Variants in PLD2 observed in about 807,000 individuals in gnomAD.
PLD2 encodes the protein phospholipase D2, also known as choline phosphatase 2.
A neutral mutation model predicts 119.8 loss-of-function variants in PLD2; 101 were observed. The observed-to-expected ratio is 0.84, with a 90% confidence interval of 0.72 to 0.99. The LOEUF (loss-of-function observed/expected upper bound fraction) is 0.99. PLD2 is among the 50% of genes least tolerant of loss of function. The pLI is 0.00. For missense variants in PLD2, 1,164 were observed against 1,226.8 expected (o/e 0.95, Z 0.76); for synonymous variants, 494 against 482.8 (o/e 1.02, Z -0.30).
At position 4,819,725 on chromosome 17, in the gene PLD2, C is replaced by T. The variant is rs570730184; in HGVS notation, c.2462+143C>T. ...GATTCTCAATAGGCAAGGCTGGGCG[C>T]GGCAGCTCACGCCTCTAATCCCAGC... is the stretch of plus-strand genomic sequence containing the variant. On this transcript the variant is annotated intron_variant, in intron 23 of 24. Transcript: ENST00000263088. The surrounding 1 kb of genome is among the most constrained non-coding windows in gnomAD (Gnocchi z 4.2). 3.4e-4 allele frequency: 280 copies of T among 813,018 alleles called. No homozygotes were observed. The highest frequency in any genetic ancestry group is 4.3e-4 in the Non-Finnish European group (228 of 535,534). The allele number at this position is 813,018 out of a possible 1,614,324, so 50.4% of individuals were successfully genotyped here.
chr17:4,816,543 G>A (rs1200763696), intron 14 of PLD2, 77 bp from the exon 15 acceptor site: 4 of 1,434,320 alleles, frequency 2.8e-6, no homozygotes, highest in Non-Finnish European at 3.9e-6. Flanking sequence ...CTCTTTCAGT[G>A]CTCCTCTCTT....
rs1907848488 is a variant in PLD2 at position 4,823,145 on chromosome 17, TGCCAGGGTGA to T, written c.*284_*293del. ...TGCTGCAAAGGAGAAGCACAGCTCC[TGCCAGGGTGA>T]GCAGGGTCAAGCCTCTTATTCCAGG... is the stretch of plus-strand genomic sequence containing the variant. On this transcript the variant is annotated 3_prime_UTR_variant, in exon 25 of 25. Coordinates refer to ENST00000263088, the MANE Select transcript of PLD2 (RefSeq NM_002663.5). The T allele has an allele frequency of 2.7e-6, 1 of 365,886 alleles. No individual in the cohort carries two copies. The highest frequency in any genetic ancestry group is 4.3e-5 in the Admixed American group (1 of 23,506). 22.7% of individuals were successfully genotyped at this position (365,886 alleles called of 1,614,324 possible). A position where few individuals can be genotyped will look rare whatever the true frequency, so the allele number is the denominator to read the frequency against.
At chr17:4,814,536 G>A in intron 11 of PLD2, 35 bp downstream of exon 11, 2 of 1,612,812 alleles carry the variant, frequency 1.2e-6, no homozygotes, top group Non-Finnish European at 1.7e-6. Flanking sequence ...CATGGGGCAG[G>A]ATAGAGCCTG....
At position 4,816,721 on chromosome 17, in the gene PLD2, G is replaced by T. The variant is rs1907010768; in HGVS notation, c.1557G>T (p.Trp519Cys). The stretch of plus-strand genomic sequence containing the variant: ...ACAGCAATCTTATCACCAAGGACTG[G>T]GTGCAGCTGGACCGGCCTTTCGAAG... ...KDYSNLITKD[W>C]VQLDRPFEDF... Residue 519 changes from tryptophan to cysteine, a missense_variant, in exon 15 of 25, where the codon TGG becomes TGT. Coordinates refer to ENST00000263088, the MANE Select transcript of PLD2 (RefSeq NM_002663.5). The T allele has an allele frequency of 6.2e-7, 1 of 1,614,154 alleles. No homozygotes were observed. Among genetic ancestry groups the T allele is most frequent in the Non-Finnish European group, 8.5e-7 (1 of 1,180,038 alleles).
At chr17:4,812,704 A>G (rs1431075057) in intron 10 of PLD2, among the ~76,000 whole-genome samples, 9 of 152,210 alleles carry the variant, frequency 5.9e-5, no homozygotes, top group Admixed American at 3.9e-4. Flanking sequence ...ACGAGGGAAC[A>G]TTCCAGGACG....
rs145534325 is a variant in PLD2 at position 4,818,566 on chromosome 17, C to T, written c.2082C>T (p.Gly694=). 1.0e-4 allele frequency: 164 copies of T among 1,613,786 alleles called. No homozygotes were observed. Among genetic ancestry groups the T allele is most frequent in the Middle Eastern group, 1.6e-4 (1 of 6,082 alleles). ...GCTTCGAGGGTGACATCTCCACGGG[C>T]GGTGGCAACTCCATCCAGGCCATTC... ...LPGFEGDIST[G]GGNSIQAILH... Residue 694 remains glycine (G), a synonymous_variant, in exon 20 of 25, where the codon GGC becomes GGT. Coordinates refer to ENST00000263088, the MANE Select transcript of PLD2 (RefSeq NM_002663.5).
At position 4,823,040 on chromosome 17, in the gene PLD2, C is replaced by A; in HGVS notation, c.*176C>A. 1.7e-6 allele frequency: 1 copy of A among 580,578 alleles called. No homozygotes were observed. The highest frequency in any genetic ancestry group is 3.1e-6 in the Non-Finnish European group (1 of 325,632). The allele number at this position is 580,578 out of a possible 1,614,324, so 36.0% of individuals were successfully genotyped here. ...TTACGTGAGAAATAGCTGAAAAGGG[C>A]ACTCCCAACCCTGGGCTGGGGAGGA... On this transcript the variant is annotated 3_prime_UTR_variant, in exon 25 of 25. Transcript: ENST00000263088.
In PLD2 at chr17:4,808,947, G is replaced by C. The variant is rs543380178; in HGVS notation, c.384-153G>C. ...GAGCTCAAGTGATCCACCTGCTGCG[G>C]CCTCCCCAAGTGCTGGGATTCCAGG... On this transcript the variant is annotated intron_variant, in intron 4 of 24. Coordinates refer to ENST00000263088, the MANE Select transcript of PLD2 (RefSeq NM_002663.5). The surrounding 1 kb of genome is among the most constrained non-coding windows in gnomAD (Gnocchi z 4.1). Among the ~76,000 whole-genome samples the C allele has an allele frequency of 1.2e-4, 19 of 152,234 alleles. No individual in the cohort carries two copies. Among genetic ancestry groups the C allele is most frequent in the African/African-American group, 4.1e-4 (17 of 41,546 alleles).
chr17:4,818,922 G>T (rs966221562), intron 21 of PLD2, 99 bp downstream of exon 21: 10 of 1,489,906 alleles, frequency 6.7e-6, no homozygotes, highest in African/African-American at 1.4e-5. Flanking sequence ...TGTCACTCCT[G>T]TGAGCCTCTG....
At position 4,815,516 on chromosome 17, in the gene PLD2, T is replaced by C; in HGVS notation, c.1214T>C (p.Val405Ala). The C allele has an allele frequency of 6.2e-7, 1 of 1,613,426 alleles. No individual in the cohort carries two copies. Among genetic ancestry groups the C allele is most frequent in the Non-Finnish European group, 8.5e-7 (1 of 1,179,618 alleles). The change falls in exon 13 of 25, where the codon GTG becomes GCG. Residue 405 changes from valine (V) to alanine (A), a missense_variant. Transcript: ENST00000263088. ...GTGTCTATTCTGCTGTTTAAAGAAG[T>C]GGAATTGGCCTTGGGCATCAACAGT... ...VRVSILLFKE[V>A]ELALGINSGY...
rs750370613 is a variant in PLD2 at position 4,817,426 on chromosome 17, G to T, written c.1815+167G>T. ...GCCTATAATCCCAGCACTTTGGAAG[G>T]CCAAGGCAGGCGGATCACAAGGTCC... On this transcript the variant is annotated intron_variant, in intron 17 of 24. Coordinates refer to ENST00000263088, the MANE Select transcript of PLD2 (RefSeq NM_002663.5). 3 of 617,922 alleles carry T rather than the reference G, an allele frequency of 4.9e-6. No homozygotes were observed. The South Asian group carries it at 5.5e-5, about 11-fold the overall frequency. The allele number at this position is 617,922 out of a possible 1,614,324, so 38.3% of individuals were successfully genotyped here. A position where few individuals can be genotyped will look rare whatever the true frequency, so the allele number is the denominator to read the frequency against.
rs760146633 is a variant in PLD2 at position 4,815,546 on chromosome 17, A to G, written c.1244A>G (p.Tyr415Cys). The change falls in exon 13 of 25, where the codon TAT (tyrosine) becomes TGT (cysteine). Residue 415 changes from tyrosine to cysteine, a missense_variant. Physicochemically the swap from Tyr to Cys is radical, Grantham distance 194. Transcript: ENST00000263088. ...TTGGCCTTGGGCATCAACAGTGGCTATAGCAAGAGGGCGCTGATGCTGCTG... is the reference window on the plus strand; with the variant it reads ...TTGGCCTTGGGCATCAACAGTGGCTGTAGCAAGAGGGCGCTGATGCTGCTG... ...VELALGINSG[Y>C]SKRALMLLHP... The G allele has an allele frequency of 3.7e-6, 6 of 1,613,782 alleles. No individual in the cohort carries two copies. The highest frequency in any genetic ancestry group is 5.1e-6 in the Non-Finnish European group (6 of 1,179,794).
At chr17:4,812,355 C>T (rs6502824) in intron 10 of PLD2, among the ~76,000 whole-genome samples, 44,580 of 145,812 alleles carry the variant, frequency 0.31, 6,885 homozygotes, top group East Asian at 0.39. Context: ...AGTGCAGTGG[C>T]AGGATCCCAC....
In PLD2 at chr17:4,808,180, G is replaced by A. The variant is rs1204694510; in HGVS notation, c.240+66G>A. 1.3e-6 allele frequency: 2 copies of A among 1,591,506 alleles called. No homozygotes were observed. Among genetic ancestry groups the A allele is most frequent in the African/African-American group, 1.3e-5 (1 of 74,520 alleles). ...CCCGGAATGGATCCAAGGTGGCTGG[G>A]CTGGCCCCAGGGAAGGGGCAAAAGG... On this transcript the variant is annotated intron_variant, in intron 3 of 24. Coordinates refer to ENST00000263088, the MANE Select transcript of PLD2 (RefSeq NM_002663.5). This position sits in a 1 kb window ranked among gnomAD's most constrained non-coding sequence, Gnocchi z 4.1.
chr17:4,807,920 C>T lies in PLD2; in HGVS notation c.109+39C>T, dbSNP rs1402919956. The T allele has an allele frequency of 2.5e-6, 4 of 1,606,476 alleles. No homozygotes were observed. The highest frequency in any genetic ancestry group is 3.4e-6 in the Non-Finnish European group (4 of 1,174,056). ...ATGGATGGCCCTCAGGGAGGAGAGG[C>T]GTTCGGGAGCCAGGGGGCTGGGGCC... On this transcript the variant is annotated intron_variant, in intron 2 of 24. Transcript: ENST00000263088. This position sits in a 1 kb window ranked among gnomAD's most constrained non-coding sequence, Gnocchi z 5.4.
At chr17:4,820,117 T>C (rs1158283080) in intron 23 of PLD2, among the ~76,000 whole-genome samples, 1 of 149,356 alleles carries the variant, frequency 6.7e-6, no homozygotes, top group Non-Finnish European at 1.5e-5. Flanking sequence ...GCTAATTTTG[T>C]ATTTTTAGTA....
Position 4,808,242 on chromosome 17 carries a change from G to A in PLD2, c.241-32G>A, listed in dbSNP as rs974998514. ...GAGTGGGGAGGCGGGGACCCACGCA[G>A]GGGACATCCATTCAGTTCCTCATAC... On this transcript the variant is annotated intron_variant, in intron 3 of 24. Transcript: ENST00000263088. This position sits in a 1 kb window ranked among gnomAD's most constrained non-coding sequence, Gnocchi z 4.1. 6.2e-7 allele frequency: 1 copy of A among 1,611,328 alleles called. No individual in the cohort carries two copies. Among genetic ancestry groups the A allele is most frequent in the Non-Finnish European group, 8.5e-7 (1 of 1,178,248 alleles).
intron 24 of PLD2, among the ~76,000 whole-genome samples, chr17:4,822,267 C>T (rs1246451586): frequency 6.6e-6 from 1 of 151,840 alleles, no homozygotes; most frequent in Non-Finnish European, 1.5e-5. Context: ...TTCAGTGAGC[C>T]GAGATCACGC....
intron 10 of PLD2, among the ~76,000 whole-genome samples, chr17:4,813,937 C>T (rs1906714221): frequency 6.6e-6 from 1 of 152,184 alleles, no homozygotes; most frequent in Non-Finnish European, 1.5e-5. Context: ...TGAGAATACC[C>T]ACTTCCCCAG....
Sources: allele counts gnomAD v4.1 joint callset (sites outside exome capture counted in the v4.1 genomes callset), GRCh38; gene constraint gnomAD v4.1.1; non-coding constraint Gnocchi (gnomAD v3.1); transcripts MANE v1.5; gene names NCBI Gene and HGNC (gene_info 2026-07-23, HGNC 2026-07-21).